AHNAK: variants seen among roughly 807,000 people sequenced by gnomAD.
AHNAK encodes neuroblast differentiation-associated protein AHNAK.
A neutral mutation model predicts 37.8 loss-of-function variants in AHNAK; 23 were observed. The observed-to-expected ratio is 0.61, with a 90% confidence interval of 0.44 to 0.86. The LOEUF (loss-of-function observed/expected upper bound fraction) is 0.86. Among genes scored for constraint, AHNAK ranks in the 40% least tolerant of loss-of-function variants. AHNAK has a pLI of 0.00. For synonymous variants in AHNAK, 2,481 were observed against 2,636.3 expected (o/e 0.94, Z 1.80); for missense variants, 7,411 against 7,319.4 (o/e 1.01, Z -0.46).
rs1009842436 is a variant in AHNAK at position 62,523,549 on chromosome 11, T to A, written c.10868A>T (p.Asp3623Val). 3.7e-6 allele frequency: 6 copies of A among 1,614,054 alleles called. No homozygotes were observed. Among genetic ancestry groups the A allele is most frequent in the South Asian group, 3.3e-5 (3 of 91,072 alleles). Reference sequence around the variant, plus strand: ...AATGTCAGCTTTAGGGAGGGTAACATCGACTTCAGGGCCTTCTCCTTTGAA... The same window carrying A: ...AATGTCAGCTTTAGGGAGGGTAACAACGACTTCAGGGCCTTCTCCTTTGAA... The part of the protein sequence containing the change: ...PGFKGEGPEV[D>V]VTLPKADIDI... The change falls in exon 5 of 5, where the codon GAT (aspartate) becomes GTT (valine). Residue 3623 changes from aspartate (D) to valine (V), a missense_variant. By Grantham distance (152) the Asp-to-Val change is radical. Coordinates refer to ENST00000378024, the MANE Select transcript of AHNAK (RefSeq NM_001620.3).
In AHNAK at chr11:62,519,298, T is replaced by C; in HGVS notation, c.15119A>G (p.Gln5040Arg). 6.2e-7 allele frequency: 1 copy of C among 1,614,206 alleles called. No homozygotes were observed. Among genetic ancestry groups the C allele is most frequent in the Non-Finnish European group, 8.5e-7 (1 of 1,180,040 alleles). Reference sequence around the variant, plus strand: ...CCCAGGAACATTCAGGTCAAATCCCTGTTTTTTGGCCTTAATCTTAGGACC... The same window carrying C: ...CCCAGGAACATTCAGGTCAAATCCCCGTTTTTTGGCCTTAATCTTAGGACC... ...MSGPKIKAKKQGFDLNVPGGE... is the reference protein window; with the variant it reads ...MSGPKIKAKKRGFDLNVPGGE... The change falls in exon 5 of 5, where the codon CAG becomes CGG. Residue 5040 changes from glutamine to arginine, a missense_variant. By Grantham distance (43) the Gln-to-Arg change is conservative. Transcript: ENST00000378024.
chr11:62,508,566 C>T (rs1264399749), intron 4 of AHNAK, among the ~76,000 whole-genome samples: 1 of 152,252 alleles, frequency 6.6e-6, no homozygotes, highest in East Asian at 1.9e-4. Context: ...AGGGCCAAGC[C>T]TCAAGCGTGT....
rs576317711 is a variant in AHNAK at position 62,528,282 on chromosome 11, G to C, written c.6135C>G (p.His2045Gln). 6.2e-6 allele frequency: 10 copies of C among 1,614,046 alleles called. No individual in the cohort carries two copies. The highest frequency in any genetic ancestry group is 8.5e-6 in the Non-Finnish European group (10 of 1,180,022). ...PDVDVHGPDW[H>Q]LKMPKMKMPK... ...GCATTTTCATCTTGGGCATCTTCAGGTGCCAGTCTGGGCCATGAACATCCA... is the reference window on the plus strand; with the variant it reads ...GCATTTTCATCTTGGGCATCTTCAGCTGCCAGTCTGGGCCATGAACATCCA... The change falls in exon 5 of 5, where the codon CAC (histidine) becomes CAG (glutamine). Residue 2045 changes from histidine to glutamine, a missense_variant. By Grantham distance (24) the His-to-Gln change is conservative (BLOSUM62 0). Transcript: ENST00000378024.
chr11:62,524,695 A>T lies in AHNAK; in HGVS notation c.9722T>A (p.Leu3241His), dbSNP rs1268489457. The T allele has an allele frequency of 6.2e-7, 1 of 1,614,234 alleles. No homozygotes were observed. Among genetic ancestry groups the T allele is most frequent in the South Asian group, 1.1e-5 (1 of 91,082 alleles). ...PKMKGEVDVS[L>H]ANVEGDLKGP... Reference sequence around the variant, plus strand: ...TTTCAAATCACCTTCTACATTTGCAAGTGAAACATCCACCTCTCCTTTCAT... The same window carrying T: ...TTTCAAATCACCTTCTACATTTGCATGTGAAACATCCACCTCTCCTTTCAT... The change falls in exon 5 of 5, where the codon CTT becomes CAT. Residue 3241 changes from leucine to histidine, a missense_variant. Transcript: ENST00000378024.
intron 1 of AHNAK, chr11:62,542,014 T>G (rs976795046): frequency 1.3e-5 from 2 of 152,298 alleles, no homozygotes; most frequent in African/African-American, 4.8e-5. Context: ...CCCACCTAGC[T>G]GATTCTGGGC....
At chr11:62,459,848 A>C (rs982811604) in intron 5 of AHNAK, among the ~76,000 whole-genome samples, 2 of 152,170 alleles carry the variant, frequency 1.3e-5, no homozygotes, top group African/African-American at 2.4e-5. Flanking sequence ...GTGTACCACC[A>C]ACAACTCTTG....
chr11:62,479,469 T>C (rs2958536), intron 5 of AHNAK, among the ~76,000 whole-genome samples: 6 of 19,644 alleles, frequency 3.1e-4, no homozygotes, highest in African/African-American at 3.2e-4. Context: ...GCCCAGCCCC[T>C]TTTTTTTTTT....
In AHNAK at chr11:62,517,230, A is replaced by G. The variant is rs758165757; in HGVS notation, c.17187T>C (p.Thr5729=). The G allele has an allele frequency of 6.2e-7, 1 of 1,614,184 alleles. No homozygotes were observed. The highest frequency in any genetic ancestry group is 1.1e-5 in the South Asian group (1 of 91,088). ...CAGAAATTGATGCTTCTGGTGAGCC[A>G]GTGACACCACCTTTCCCTTTAGGTT... ...FSKPKGKGGV[T]GSPEASISGS... The change falls in exon 5 of 5, where the codon ACT becomes ACC. Residue 5729 remains threonine, a synonymous_variant. Transcript: ENST00000378024.
Position 62,516,235 on chromosome 11 carries a change from T to TACC in AHNAK, c.*506_*508dup, listed in dbSNP as rs879903359. 3 of 1,289,082 alleles carry TACC rather than the reference T, an allele frequency of 2.3e-6. No homozygotes were observed. Among genetic ancestry groups the TACC allele is most frequent in the Non-Finnish European group, 3.0e-6 (3 of 988,726 alleles). 79.9% of individuals were successfully genotyped at this position (1,289,082 alleles called of 1,614,324 possible). A position where few individuals can be genotyped will look rare whatever the true frequency, so the allele number is the denominator to read the frequency against. On this transcript the variant is annotated 3_prime_UTR_variant, in exon 5 of 5. Transcript: ENST00000378024. ...CCTAAAAACACCCACACACCCTGAC[T>TACC]ACCACCACCTCTGGGCCATCTGTGG...
intron 4 of AHNAK, among the ~76,000 whole-genome samples, chr11:62,506,833 G>T (rs933529277): frequency 2.6e-5 from 4 of 152,156 alleles, no homozygotes; most frequent in Non-Finnish European, 5.9e-5. Context: ...GGGAGGGACT[G>T]ACAGCAGCCA....
chr11:62,443,563 C>T (rs920904125), intron 5 of AHNAK, among the ~76,000 whole-genome samples: 1 of 152,156 alleles, frequency 6.6e-6, no homozygotes, highest in Non-Finnish European at 1.5e-5. Flanking sequence ...TGAGCCACCG[C>T]GCCCGGCTGG....
chr11:62,530,548 A>T lies in AHNAK; in HGVS notation c.3869T>A (p.Val1290Glu), dbSNP rs1167719859. ...KADIDVSGPKVDVEVPDVSLE... is the reference protein window; with the variant it reads ...KADIDVSGPKEDVEVPDVSLE... ...GCTCACATCTGGGACTTCAACATCCACCTTGGGTCCTGAGACATCAATGTC... is the reference window on the plus strand; with the variant it reads ...GCTCACATCTGGGACTTCAACATCCTCCTTGGGTCCTGAGACATCAATGTC... The change falls in exon 5 of 5, where the codon GTG becomes GAG. Residue 1290 changes from valine to glutamate, a missense_variant. Val to Glu is a moderately radical substitution (Grantham distance 121). Transcript: ENST00000378024. 6.2e-7 allele frequency: 1 copy of T among 1,609,466 alleles called. No individual in the cohort carries two copies. The highest frequency in any genetic ancestry group is 2.2e-5 in the East Asian group (1 of 44,644).
chr11:62,448,961 G>A (rs188461113), intron 5 of AHNAK, among the ~76,000 whole-genome samples: 5 of 152,088 alleles, frequency 3.3e-5, no homozygotes, highest in South Asian at 2.1e-4. Flanking sequence ...TCAGCTACTC[G>A]GGAGGCTGAG....
At chr11:62,515,686 G>C (rs1315167661), downstream of AHNAK, among the ~76,000 whole-genome samples, 2 of 152,230 alleles carry the variant, frequency 1.3e-5, no homozygotes, top group Non-Finnish European at 2.9e-5. Flanking sequence ...CCGAGGCCAA[G>C]CCTCTTCTTG....
intron 5 of AHNAK, among the ~76,000 whole-genome samples, chr11:62,452,559 G>A (rs1037491621): frequency 2.0e-5 from 3 of 152,128 alleles, no homozygotes; most frequent in East Asian, 1.9e-4. Context: ...ACCCAGGGAC[G>A]GCCTCATTCA....
intron 5 of AHNAK, among the ~76,000 whole-genome samples, chr11:62,459,011 T>C (rs761872616): frequency 2.6e-5 from 4 of 152,072 alleles, no homozygotes; most frequent in African/African-American, 4.8e-5. Flanking sequence ...GACTGAGGGA[T>C]TTCCTGGGAT....
intron 4 of AHNAK, among the ~76,000 whole-genome samples, chr11:62,499,272 G>A (rs1939671123): frequency 6.6e-6 from 1 of 152,232 alleles, no homozygotes; most frequent in African/African-American, 2.4e-5. Context: ...AAACCTGCCA[G>A]GCGCAGTGGC....
chr11:62,540,432 A>G (rs1941084784), intron 1 of AHNAK, among the ~76,000 whole-genome samples: 1 of 152,088 alleles, frequency 6.6e-6, no homozygotes, highest in African/African-American at 2.4e-5. Context: ...AGGTGAGAGA[A>G]TGGGAGTGTG....
chr11:62,517,465 C>T lies in AHNAK; in HGVS notation c.16952G>A (p.Ser5651Asn). 2 of 1,614,196 alleles carry T rather than the reference C, an allele frequency of 1.2e-6. No individual in the cohort carries two copies. The highest frequency in any genetic ancestry group is 1.7e-6 in the Non-Finnish European group (2 of 1,180,034). ...SVSGPQGHLESGSGKVTFPKM... is the reference protein window; with the variant it reads ...SVSGPQGHLENGSGKVTFPKM... Reference sequence around the variant, plus strand: ...AGGGAATGTTACTTTTCCAGATCCACTTTCCAAGTGACCTTGAGGCCCAGA... The same window carrying T: ...AGGGAATGTTACTTTTCCAGATCCATTTTCCAAGTGACCTTGAGGCCCAGA... Residue 5651 changes from serine (S) to asparagine (N), a missense_variant, in exon 5 of 5, where the codon AGT becomes AAT. Coordinates refer to ENST00000378024, the MANE Select transcript of AHNAK (RefSeq NM_001620.3).
Sources: allele counts gnomAD v4.1 joint callset (sites outside exome capture counted in the v4.1 genomes callset), GRCh38; gene constraint gnomAD v4.1.1; transcripts MANE v1.5; gene names NCBI Gene and HGNC (gene_info 2026-07-23, HGNC 2026-07-21).